GFOD2: variants seen among roughly 807,000 people sequenced by gnomAD.
The protein encoded by GFOD2 is glucose-fructose oxidoreductase domain-containing protein 2.
GFOD2 carries 9 observed loss-of-function variants against 24.6 expected under a neutral mutation model. The ratio of observed to expected loss-of-function variants is 0.37; its 90% CI spans 0.22 to 0.64. The LOEUF is 0.64. GFOD2 is among the 30% of genes least tolerant of loss of function. The pLI is 0.65. For synonymous variants in GFOD2, 211 were observed against 224.8 expected, an observed-to-expected ratio of 0.94 and a Z score of 0.55; for missense variants, 476 against 532.5, an observed-to-expected ratio of 0.89 and a Z score of 1.04.
intron 2 of GFOD2, chr16:67,676,557 T>A (rs2053186513): frequency 6.5e-6 from 1 of 154,266 alleles, no homozygotes; most frequent in African/African-American, 2.4e-5. Context: ...TATTAGGTCA[T>A]CAGCTTGGGG....
At chr16:67,712,674 A>G (rs2053483738) in intron 1 of GFOD2, among the ~76,000 whole-genome samples, 1 of 110,526 alleles carries the variant, frequency 9.0e-6, no homozygotes, top group Non-Finnish European at 1.7e-5. Flanking sequence ...CCTCCCGGAG[A>G]GCCGAGATTG....
In GFOD2 at chr16:67,683,438, C is replaced by T. The variant is rs1465364911; in HGVS notation, c.259+2019G>A. On this transcript the variant is annotated intron_variant, in intron 2 of 2. Transcript: ENST00000268797. ...CAAGGAGTCAAGTGACCAATAGCGG[C>T]TTGCTTCCCCTTGAACCAACTTGCT... 5 of 1,230,252 alleles carry T rather than the reference C, an allele frequency of 4.1e-6. No individual in the cohort carries two copies. The Admixed American group carries it at 1.7e-4, about 42-fold the overall frequency. 76.2% of individuals were successfully genotyped at this position (1,230,252 alleles called of 1,614,324 possible). A position where few individuals can be genotyped will look rare whatever the true frequency, so the allele number is the denominator to read the frequency against.
chr16:67,676,035 A>T lies in GFOD2; in HGVS notation c.278T>A (p.Val93Asp). The T allele has an allele frequency of 6.2e-7, 1 of 1,611,114 alleles. No homozygotes were observed. Among genetic ancestry groups the T allele is most frequent in the Non-Finnish European group, 8.5e-7 (1 of 1,178,334 alleles). Reference sequence around the variant, plus strand: ...CACCGATGTTGCTGCCTTCTCGCAAACCACATTCTTCCCAATACCTAACAA... The same window carrying T: ...CACCGATGTTGCTGCCTTCTCGCAATCCACATTCTTCCCAATACCTAACAA... ...VKALGIGKNV[V>D]CEKAATSVDA... The change falls in exon 3 of 3, where the codon GTT becomes GAT. Residue 93 changes from valine (V) to aspartate (D), a missense_variant. Transcript: ENST00000268797.
At chr16:67,678,476 C>CAAA (rs144320358) in intron 2 of GFOD2, among the ~76,000 whole-genome samples, 1 of 74,962 alleles carries the variant, frequency 1.3e-5, no homozygotes, top group Non-Finnish European at 3.1e-5. Context: ...AACTCTGTCT[C>CAAA]AAAAAAAAAA....
chr16:67,716,468 C>G (rs562441322), intron 1 of GFOD2, among the ~76,000 whole-genome samples: 1 of 152,198 alleles, frequency 6.6e-6, no homozygotes, highest in Non-Finnish European at 1.5e-5. Context: ...AAAACTCACA[C>G]AAATCCACAG....
chr16:67,687,597 C>T (rs557455077), intron 1 of GFOD2, among the ~76,000 whole-genome samples: 3 of 140,968 alleles, frequency 2.1e-5, no homozygotes, highest in African/African-American at 2.7e-5. Flanking sequence ...GGTGAGATCG[C>T]GCCAATGCAC....
At chr16:67,689,930 C>T (rs773240295) in intron 1 of GFOD2, among the ~76,000 whole-genome samples, 1 of 152,080 alleles carries the variant, frequency 6.6e-6, no homozygotes, top group Non-Finnish European at 1.5e-5. Context: ...TGAAATCATG[C>T]GTTATTTGTG....
intron 1 of GFOD2, among the ~76,000 whole-genome samples, chr16:67,692,724 T>C (rs1029486437): frequency 1.4e-5 from 2 of 141,202 alleles, no homozygotes; most frequent in African/African-American, 5.3e-5. Flanking sequence ...TAAAGGGGAA[T>C]AATTTAAAAA....
chr16:67,704,726 A>C lies in GFOD2; in HGVS notation c.-88+14437T>G, dbSNP rs536805793. ...ACAACCAGATGTGTATAGGCACCTGACGCAGAGTTAGGCCTTAATAAATGT... is the reference window on the plus strand; with the variant it reads ...ACAACCAGATGTGTATAGGCACCTGCCGCAGAGTTAGGCCTTAATAAATGT... On this transcript the variant is annotated intron_variant, in intron 1 of 2. Coordinates refer to ENST00000268797, the MANE Select transcript of GFOD2 (RefSeq NM_030819.4). 3.3e-5 allele frequency among the ~76,000 whole-genome samples: 5 copies of C among 152,350 alleles called. No homozygotes were observed. In the East Asian group the frequency reaches 9.6e-4, roughly 29 times the overall value.
intron 1 of GFOD2, among the ~76,000 whole-genome samples, chr16:67,699,506 CAG>C (rs963552180): frequency 2.0e-5 from 3 of 152,024 alleles, no homozygotes; most frequent in East Asian, 1.9e-4. Flanking sequence ...TGGTTTGAGA[CAG>C]AGTCTCACTC....
intron 1 of GFOD2, among the ~76,000 whole-genome samples, chr16:67,687,854 C>G (rs2053280354): frequency 6.6e-6 from 1 of 150,982 alleles, no homozygotes; most frequent in South Asian, 2.1e-4. Context: ...TGGCACATGC[C>G]TATAGTCCCA....
At chr16:67,687,785 CTTAG>C (rs2053279588) in intron 1 of GFOD2, among the ~76,000 whole-genome samples, 1 of 141,304 alleles carries the variant, frequency 7.1e-6, no homozygotes, top group South Asian at 2.2e-4. Context: ...GCACAAGCAA[CTTAG>C]TGAGACACCC....
At chr16:67,693,653 C>T (rs1247862111) in intron 1 of GFOD2, among the ~76,000 whole-genome samples, 1 of 152,204 alleles carries the variant, frequency 6.6e-6, no homozygotes, top group Non-Finnish European at 1.5e-5. Flanking sequence ...GTTCAGTGCA[C>T]TAATACATTC....
At chr16:67,681,087 A>G (rs2053221848) in intron 2 of GFOD2, 1 of 985,454 alleles carries the variant, frequency 1.0e-6, no homozygotes, top group Non-Finnish European at 1.2e-6. Flanking sequence ...CAGATTAGGG[A>G]AGACAATCAC....
At chr16:67,709,151 A>T (rs2053456929) in intron 1 of GFOD2, among the ~76,000 whole-genome samples, 1 of 152,026 alleles carries the variant, frequency 6.6e-6, no homozygotes, top group African/African-American at 2.4e-5. Context: ...AAAAATACAA[A>T]AATTAGCTAG....
chr16:67,696,858 G>A (rs1235555861), intron 1 of GFOD2, among the ~76,000 whole-genome samples: 2 of 152,202 alleles, frequency 1.3e-5, no homozygotes, highest in East Asian at 1.9e-4. Context: ...GCTGGCCCCC[G>A]AGGAAGCCAG....
At chr16:67,678,983 C>T (rs2053203995) in intron 2 of GFOD2, among the ~76,000 whole-genome samples, 1 of 152,048 alleles carries the variant, frequency 6.6e-6, no homozygotes, top group African/African-American at 2.4e-5. Flanking sequence ...GCCTGGGCAA[C>T]ATAGCAAGAC....
chr16:67,680,801 A>G lies in GFOD2; in HGVS notation c.259+4656T>C. ...TATTATACTTTAAGTTCTAGGGTAC[A>G]TGTGCACAACGTGCAGGTTTGTTAC... On this transcript the variant is annotated intron_variant, in intron 2 of 2. Coordinates refer to ENST00000268797, the MANE Select transcript of GFOD2 (RefSeq NM_030819.4). The G allele has an allele frequency of 5.2e-6, 5 of 966,862 alleles. No individual in the cohort carries two copies. In the South Asian group the frequency reaches 1.9e-4, roughly 37 times the overall value. 59.9% of individuals were successfully genotyped at this position (966,862 alleles called of 1,614,324 possible).
intron 1 of GFOD2, among the ~76,000 whole-genome samples, chr16:67,718,187 TC>T (rs2053520100): frequency 6.6e-6 from 1 of 152,230 alleles, no homozygotes; most frequent in Admixed American, 6.5e-5. Context: ...TAAATGCTGT[TC>T]CCTTCAACTT....
Sources: gnomAD v4.1 joint callset for allele counts (sites outside exome capture counted in the v4.1 genomes callset) on GRCh38, gnomAD v4.1.1 for gene constraint, MANE v1.5 for transcripts, NCBI Gene and HGNC (gene_info 2026-07-23, HGNC 2026-07-21) for gene names.